Variants in PUM1 observed in about 807,000 individuals in gnomAD.
The protein encoded by PUM1 is pumilio homolog 1.
PUM1 carries 13 observed loss-of-function variants against 131.8 expected under a neutral mutation model. The observed-to-expected ratio is 0.10, with a 90% CI of 0.06 to 0.16. The LOEUF (loss-of-function observed/expected upper bound fraction) is 0.16, where lower values mean the gene tolerates loss of function less well. Ranked by LOEUF, PUM1 falls within the 10% of genes least tolerant of loss-of-function variation. The pLI is 1.00. For synonymous variants in PUM1, 509 were observed against 556.5 expected, an observed-to-expected ratio of 0.91 and a Z score of 1.20; for missense variants, 961 against 1,512.4, an observed-to-expected ratio of 0.64 and a Z score of 6.05.
At chr1:31,002,300 C>T (rs1642245528) in intron 5 of PUM1, among the ~76,000 whole-genome samples, 1 of 152,154 alleles carries the variant, frequency 6.6e-6, no homozygotes, top group Admixed American at 6.5e-5. Flanking sequence ...TGTATACATC[C>T]TCCAGATCAA....
chr1:30,984,227 A>G (rs909959431), intron 7 of PUM1, among the ~76,000 whole-genome samples: 14 of 152,244 alleles, frequency 9.2e-5, no homozygotes, highest in African/African-American at 2.9e-4. Flanking sequence ...ATACATCTAC[A>G]GCAGACAGAT....
intron 13 of PUM1, among the ~76,000 whole-genome samples, chr1:30,965,372 T>C (rs925398115): frequency 6.6e-6 from 1 of 152,176 alleles, no homozygotes; most frequent in Non-Finnish European, 1.5e-5. Flanking sequence ...TGCCCTCAAT[T>C]CCAATTAAGA....
In PUM1 at chr1:31,049,494, C is replaced by A. The variant is rs533628675; in HGVS notation, c.363+9710G>T. Reference sequence around the variant, plus strand: ...TCGCGCCATTGCACTCCAGCCTGGGCAACAGAGCAAGATTCCGTCTCAAAA... The same window carrying A: ...TCGCGCCATTGCACTCCAGCCTGGGAAACAGAGCAAGATTCCGTCTCAAAA... On this transcript the variant is annotated intron_variant, in intron 2 of 21. Transcript: ENST00000426105. 2.6e-4 allele frequency among the ~76,000 whole-genome samples: 38 copies of A among 147,264 alleles called. No individual in the cohort carries two copies. The South Asian group carries it at 7.9e-3, about 31-fold the overall frequency.
intron 2 of PUM1, among the ~76,000 whole-genome samples, chr1:31,052,153 C>CT (rs1644127160): frequency 6.6e-6 from 1 of 152,012 alleles, no homozygotes; most frequent in Non-Finnish European, 1.5e-5. Context: ...GCTGGGACTA[C>CT]AGGCGCCCAC....
intron 10 of PUM1, among the ~76,000 whole-genome samples, chr1:30,970,615 T>C (rs1640838388): frequency 6.6e-6 from 1 of 152,138 alleles, no homozygotes; most frequent in Non-Finnish European, 1.5e-5. Flanking sequence ...GCTGTACAGG[T>C]GAGTTTTACC....
At chr1:31,038,366 G>T (rs1040541165) in intron 2 of PUM1, among the ~76,000 whole-genome samples, 1 of 152,116 alleles carries the variant, frequency 6.6e-6, no homozygotes, top group Non-Finnish European at 1.5e-5. Flanking sequence ...CTCTCCCTTT[G>T]CGATGGACTA....
At chr1:30,965,918 A>AT (rs1640602467) in intron 13 of PUM1, 64 bp downstream of exon 13, 2 of 1,508,612 alleles carry the variant, frequency 1.3e-6, no homozygotes, top group African/African-American at 2.8e-5. Context: ...CATTGCCAGT[A>AT]TTCCAGAAGG....
At chr1:30,982,041 AC>A (rs1451030386) in intron 7 of PUM1, 1 of 152,224 alleles carries the variant, frequency 6.6e-6, no homozygotes, top group Non-Finnish European at 1.5e-5. Context: ...AAATTAAGAC[AC>A]CTGCCCAACT....
At chr1:30,949,766 G>C (rs1168372266) in intron 17 of PUM1, among the ~76,000 whole-genome samples, 1 of 152,148 alleles carries the variant, frequency 6.6e-6, no homozygotes, top group Admixed American at 6.5e-5. Context: ...GAGAGAAGGA[G>C]TAAAAAAATA....
intron 3 of PUM1, among the ~76,000 whole-genome samples, chr1:31,023,623 A>G (rs775412722): frequency 6.6e-6 from 1 of 152,188 alleles, no homozygotes; most frequent in African/African-American, 2.4e-5. Flanking sequence ...CAGACAGTGA[A>G]TAAGTCACTT....
intron 7 of PUM1, among the ~76,000 whole-genome samples, chr1:30,984,854 T>C (rs1641486485): frequency 6.6e-6 from 1 of 152,206 alleles, no homozygotes; most frequent in Non-Finnish European, 1.5e-5. Flanking sequence ...TTATGGCTTT[T>C]TTTTTCTAAA....
chr1:30,933,328 G>C lies in PUM1; in HGVS notation c.3450C>G (p.Ile1150Met). 1 of 1,613,808 alleles carries C rather than the reference G, an allele frequency of 6.2e-7. No homozygotes were observed. The highest frequency in any genetic ancestry group is 8.5e-7 in the Non-Finnish European group (1 of 1,179,818). ...KIVMHKIRPH[I>M]ATLRKYTYGK... ...CATAGGTGTACTTACGAAGAGTTGC[G>C]ATGTGGGGCCGGATCTGGGGAGGAA... is the stretch of plus-strand genomic sequence containing the variant. The change falls in exon 22 of 22, where the codon ATC becomes ATG. Residue 1150 changes from isoleucine (I) to methionine (M), a missense_variant. Physicochemically the swap from Ile to Met is conservative, Grantham distance 10. This residue lies in a region of PUM1 where 178 missense variants were observed against 327.5 expected (regional missense o/e 0.54). Coordinates refer to ENST00000426105, the MANE Select transcript of PUM1 (RefSeq NM_001020658.2).
intron 3 of PUM1, among the ~76,000 whole-genome samples, chr1:31,017,649 G>C (rs772196344): frequency 2.6e-5 from 4 of 151,960 alleles, no homozygotes; most frequent in Non-Finnish European, 5.9e-5. Flanking sequence ...TAGAGTGAGT[G>C]AGACAGTGCA....
At chr1:31,027,633 C>G (rs1247628531) in intron 3 of PUM1, among the ~76,000 whole-genome samples, 1 of 152,164 alleles carries the variant, frequency 6.6e-6, no homozygotes, top group Non-Finnish European at 1.5e-5. Context: ...CAAGAAGATT[C>G]AGAAAGTTGG....
At chr1:31,027,218 A>G (rs1643256204) in intron 3 of PUM1, among the ~76,000 whole-genome samples, 1 of 152,170 alleles carries the variant, frequency 6.6e-6, no homozygotes. Context: ...CCAAGGCAGA[A>G]GGATCACTTG....
intron 18 of PUM1, among the ~76,000 whole-genome samples, chr1:30,944,802 C>T (rs1223565265): frequency 6.6e-6 from 1 of 152,188 alleles, no homozygotes; most frequent in Non-Finnish European, 1.5e-5. Context: ...ATCTTAAAAA[C>T]TCTTATGATG....
chr1:30,989,116 A>C (rs1641676698), intron 7 of PUM1, among the ~76,000 whole-genome samples: 1 of 152,122 alleles, frequency 6.6e-6, no homozygotes, highest in Non-Finnish European at 1.5e-5. Flanking sequence ...GACTCACAAC[A>C]CCATCTCTTC....
At chr1:31,034,713 T>C (rs1643546770) in intron 2 of PUM1, among the ~76,000 whole-genome samples, 2 of 152,166 alleles carry the variant, frequency 1.3e-5, no homozygotes, top group African/African-American at 4.8e-5. Context: ...TTAACTAGAG[T>C]AGATTTCCAT....
At chr1:31,048,037 G>A (rs374247788) in intron 2 of PUM1, among the ~76,000 whole-genome samples, 2 of 151,724 alleles carry the variant, frequency 1.3e-5, no homozygotes, top group African/African-American at 4.8e-5. Context: ...TCAGGAGATC[G>A]AGACCCTCCT....
Sources: gnomAD v4.1 joint callset for allele counts (sites outside exome capture counted in the v4.1 genomes callset) on GRCh38, gnomAD v4.1.1 for gene constraint, gnomAD v4.1.1 regional missense constraint, MANE v1.5 for transcripts, NCBI Gene and HGNC (gene_info 2026-07-23, HGNC 2026-07-21) for gene names.